The following ARHGAP42 variants were observed in gnomAD, a reference collection of about 807,000 sequenced individuals.
ARHGAP42 encodes the protein Rho GTPase activating protein 42.
A neutral mutation model predicts 125.0 loss-of-function variants in ARHGAP42; 63 were observed. That is an observed-to-expected ratio of 0.50 (90% CI 0.41 to 0.62). ARHGAP42 has a LOEUF of 0.62. ARHGAP42 is among the 20% of genes least tolerant of loss of function. The pLI, the probability that ARHGAP42 is intolerant of heterozygous loss-of-function variation, is 0.00. For synonymous variants in ARHGAP42, 339 were observed against 351.0 expected (o/e 0.97, Z 0.38); for missense variants, 766 against 1,024.2 (o/e 0.75, Z 3.44).
intron 17 of ARHGAP42, among the ~76,000 whole-genome samples, chr11:100,972,782 T>G (rs1858284226): frequency 6.6e-6 from 1 of 152,202 alleles, no homozygotes; most frequent in African/African-American, 2.4e-5. Context: ...GGAAAATTCC[T>G]GGCAATAGAT....
intron 3 of ARHGAP42, among the ~76,000 whole-genome samples, chr11:100,850,309 G>C (rs1865172630): frequency 6.6e-6 from 1 of 152,194 alleles, no homozygotes; most frequent in African/African-American, 2.4e-5. Flanking sequence ...CTAGGCTACA[G>C]ATCTATACAG....
At chr11:100,739,781 A>G (rs1056727918) in intron 1 of ARHGAP42, among the ~76,000 whole-genome samples, 2 of 152,050 alleles carry the variant, frequency 1.3e-5, no homozygotes, top group Non-Finnish European at 2.9e-5. Context: ...TTCTTTTCCC[A>G]TGACCCTCAG....
At chr11:100,878,990 T>TG (rs974331317) in intron 4 of ARHGAP42, among the ~76,000 whole-genome samples, 3 of 151,286 alleles carry the variant, frequency 2.0e-5, no homozygotes, top group Non-Finnish European at 4.4e-5. Context: ...CAATTTTTTT[T>TG]TTTTCAAGGA....
At position 100,741,987 on chromosome 11, in the gene ARHGAP42, C is replaced by A. The variant is rs114418082; in HGVS notation, c.155-28356C>A. 9.2e-3 allele frequency among the ~76,000 whole-genome samples: 1,406 copies of A among 152,204 alleles called. 20 individuals are homozygous for A. The highest frequency in any genetic ancestry group is 0.032 in the African/African-American group (1,327 of 41,508). On this transcript the variant is annotated intron_variant, in intron 1 of 23. Coordinates refer to ENST00000298815, the MANE Select transcript of ARHGAP42 (RefSeq NM_152432.4). Reference sequence around the variant, plus strand: ...TTCAATAAAAAAAACCTAGAGGAAACCTTAGTGATCTCTTTGGGCAATAAA... The same window carrying A: ...TTCAATAAAAAAAACCTAGAGGAAAACTTAGTGATCTCTTTGGGCAATAAA...
At chr11:100,864,286 G>T (rs1330814331) in intron 4 of ARHGAP42, among the ~76,000 whole-genome samples, 2 of 151,636 alleles carry the variant, frequency 1.3e-5, no homozygotes, top group Non-Finnish European at 2.9e-5. Flanking sequence ...CCGGCTTCAT[G>T]TGATTCTCCT....
intron 4 of ARHGAP42, among the ~76,000 whole-genome samples, chr11:100,884,083 C>G (rs1183918926): frequency 3.9e-5 from 6 of 152,230 alleles, no homozygotes; most frequent in African/African-American, 1.4e-4. Flanking sequence ...CCCACTCATT[C>G]TTTTCATTTG....
intron 2 of ARHGAP42, among the ~76,000 whole-genome samples, chr11:100,786,815 T>G (rs1007050772): frequency 9.9e-5 from 15 of 152,146 alleles, no homozygotes; most frequent in African/African-American, 3.4e-4. Flanking sequence ...ACAGAAGGTT[T>G]CTTTGTTTTG....
At chr11:100,832,986 G>A (rs1430792833) in intron 3 of ARHGAP42, among the ~76,000 whole-genome samples, 3 of 152,182 alleles carry the variant, frequency 2.0e-5, no homozygotes, top group African/African-American at 7.2e-5. Flanking sequence ...GGCATCACAG[G>A]CGACTAGAAT....
At chr11:100,698,220 C>T (rs1055569356) in intron 1 of ARHGAP42, among the ~76,000 whole-genome samples, 1 of 152,078 alleles carries the variant, frequency 6.6e-6, no homozygotes, top group Non-Finnish European at 1.5e-5. Flanking sequence ...GGTTGTAATC[C>T]CATCACTTTG....
At chr11:100,980,009 G>T (rs1167693708) in intron 22 of ARHGAP42, among the ~76,000 whole-genome samples, 1 of 152,148 alleles carries the variant, frequency 6.6e-6, no homozygotes, top group Non-Finnish European at 1.5e-5. Context: ...CTGGGCATGT[G>T]ATAGTTATTA....
rs1339202676 is a variant in ARHGAP42 at position 100,875,568 on chromosome 11, G to A, written c.384+15943G>A. ...AGTGAGGCAGCCCTCAGCCACTCTC[G>A]GCCGAGACGGGAAGGATGAGACCCA... On this transcript the variant is annotated intron_variant, in intron 4 of 23. Coordinates refer to ENST00000298815, the MANE Select transcript of ARHGAP42 (RefSeq NM_152432.4). 5.9e-5 allele frequency among the ~76,000 whole-genome samples: 9 copies of A among 152,244 alleles called. No homozygotes were observed. In the South Asian group the frequency reaches 1.5e-3, roughly 25 times the overall value.
chr11:100,703,959 A>G (rs186887579), intron 1 of ARHGAP42, among the ~76,000 whole-genome samples: 8 of 152,222 alleles, frequency 5.3e-5, no homozygotes, highest in Admixed American at 1.3e-4. Context: ...GATGTTTTGT[A>G]AATGTAATTA....
chr11:100,989,421 A>C lies in ARHGAP42; in HGVS notation c.*620A>C. The C allele has an allele frequency of 3.6e-6, 1 of 279,134 alleles. No individual in the cohort carries two copies. The highest frequency in any genetic ancestry group is 2.2e-5 in the African/African-American group (1 of 46,176). 17.3% of individuals were successfully genotyped at this position (279,134 alleles called of 1,614,324 possible). ...GGAAGCAAAATTAAGTCATACACTG[A>C]TTCCACTGTAAACAATCTGTCCAGA... On this transcript the variant is annotated 3_prime_UTR_variant, in exon 24 of 24. Coordinates refer to ENST00000298815, the MANE Select transcript of ARHGAP42 (RefSeq NM_152432.4).
rs999806852 is a variant in ARHGAP42 at position 100,687,544 on chromosome 11, G to A, written c.-135G>A. On this transcript the variant is annotated 5_prime_UTR_variant, in exon 1 of 24. Transcript: ENST00000298815. Reference sequence around the variant, plus strand: ...GCGGCGCTCGGGGCCCGTTTCCTCCGCGCAATCAGTCCCCTCGCGTCCCGG... The same window carrying A: ...GCGGCGCTCGGGGCCCGTTTCCTCCACGCAATCAGTCCCCTCGCGTCCCGG... The A allele has an allele frequency of 3.2e-5, 19 of 586,522 alleles. No individual in the cohort carries two copies. The highest frequency in any genetic ancestry group is 8.2e-5 in the South Asian group (1 of 12,226). The allele number at this position is 586,522 out of a possible 1,614,324, so 36.3% of individuals were successfully genotyped here. A position where few individuals can be genotyped will look rare whatever the true frequency, so the allele number is the denominator to read the frequency against.
intron 3 of ARHGAP42, among the ~76,000 whole-genome samples, chr11:100,813,028 C>A (rs1037016440): frequency 6.6e-6 from 1 of 152,152 alleles, no homozygotes; most frequent in African/African-American, 2.4e-5. Context: ...TGATAATTTG[C>A]ACCAGGATGA....
chr11:100,776,265 A>G (rs965809092), intron 2 of ARHGAP42, among the ~76,000 whole-genome samples: 1 of 152,202 alleles, frequency 6.6e-6, no homozygotes, highest in Non-Finnish European at 1.5e-5. Context: ...AATCTTGGAA[A>G]CCATTGGAAA....
At chr11:100,762,638 G>A (rs1862733552) in intron 1 of ARHGAP42, among the ~76,000 whole-genome samples, 2 of 152,100 alleles carry the variant, frequency 1.3e-5, no homozygotes, top group Non-Finnish European at 2.9e-5. Context: ...AGCAAAGATT[G>A]TGTTTTAAAA....
intron 2 of ARHGAP42, among the ~76,000 whole-genome samples, chr11:100,783,586 G>A (rs949910856): frequency 2.0e-5 from 3 of 152,168 alleles, no homozygotes; most frequent in Non-Finnish European, 2.9e-5. Flanking sequence ...GTACAGCCAC[G>A]AAAGCTGTAA....
chr11:100,770,190 T>G (rs905707536), intron 1 of ARHGAP42, among the ~76,000 whole-genome samples, 153 bp from the exon 2 acceptor site: 30 of 152,242 alleles, frequency 2.0e-4, no homozygotes, highest in Non-Finnish European at 4.1e-4. Flanking sequence ...AAACTGGTAT[T>G]TTAAAGGATT....
Sources: allele counts gnomAD v4.1 joint callset (sites outside exome capture counted in the v4.1 genomes callset), GRCh38; gene constraint gnomAD v4.1.1; transcripts MANE v1.5; gene names NCBI Gene and HGNC (gene_info 2026-07-23, HGNC 2026-07-21).